Variants in CCP110 observed in about 807,000 individuals in gnomAD.
CCP110 encodes the protein centriolar coiled-coil protein 110.
Under a neutral mutation model 105.5 loss-of-function variants are expected in CCP110, and 43 were observed. That is an observed-to-expected ratio of 0.41 (90% CI 0.32 to 0.53). CCP110 has a LOEUF of 0.53. Ranked by LOEUF, CCP110 falls within the 20% of genes least tolerant of loss-of-function variation. The probability of loss-of-function intolerance (pLI) is 0.32; values close to 1 mark genes in which losing one functional copy is unlikely to be tolerated. For synonymous variants in CCP110, 353 were observed against 392.1 expected, an observed-to-expected ratio of 0.90 and a Z score of 1.18; for missense variants, 1,016 against 1,189.1, an observed-to-expected ratio of 0.85 and a Z score of 2.14.
In CCP110 at chr16:19,537,103, T is replaced by TA; in HGVS notation, c.1435dup (p.Thr479AsnfsTer10). On this transcript the variant is annotated frameshift_variant, in exon 4 of 15. Transcript: ENST00000381396. LOFTEE classifies it high-confidence loss of function. ...AAAATAAAGTTACTCATGGACTTGT[T>TA]ACTGTGGAAGGTCAGTTAACATCCG... 1 of 1,614,204 alleles carries TA rather than the reference T, an allele frequency of 6.2e-7. No individual in the cohort carries two copies. The highest frequency in any genetic ancestry group is 8.5e-7 in the Non-Finnish European group (1 of 1,180,038).
At chr16:19,528,688 G>A (rs1466852884) in intron 2 of CCP110, among the ~76,000 whole-genome samples, 1 of 152,056 alleles carries the variant, frequency 6.6e-6, no homozygotes, top group Non-Finnish European at 1.5e-5. Flanking sequence ...TTGAGACCAG[G>A]AATTCAAGAC....
chr16:19,537,052 A>T, exon 4 of CCP110: 1 of 1,614,230 alleles, frequency 6.2e-7, no homozygotes, highest in Non-Finnish European at 8.5e-7. Context: ...CAAATCAGGT[A>T]TGTCAATCTT....
chr16:19,545,338 A>G, intron 10 of CCP110, 128 bp downstream of exon 10: 1 of 544,046 alleles, frequency 1.8e-6, no homozygotes, highest in Non-Finnish European at 3.3e-6. Flanking sequence ...TCCTGGAATT[A>G]CTAGCAGCAT....
At chr16:19,542,050 A>G (rs371244665) in exon 6 of CCP110, 4 of 1,574,034 alleles carry the variant, frequency 2.5e-6, no homozygotes, top group African/African-American at 1.4e-5. Flanking sequence ...CATACTTCAA[A>G]TTCAAATAGT....
chr16:19,542,998 A>G lies in CCP110; in HGVS notation c.2484+4A>G, dbSNP rs775647107. The G allele has an allele frequency of 4.2e-6, 6 of 1,442,652 alleles. No individual in the cohort carries two copies. In the Admixed American group the frequency reaches 1.0e-4, roughly 25 times the overall value. The allele number at this position is 1,442,652 out of a possible 1,614,324, so 89.4% of individuals were successfully genotyped here. A position where few individuals can be genotyped will look rare whatever the true frequency, so the allele number is the denominator to read the frequency against. ...GCAACTTCGACAAACTGTAAAAGTA[A>G]GATTCCTGTAAATCGTTTGTATTTC... is the stretch of plus-strand genomic sequence containing the variant. On this transcript the variant is annotated splice_donor_region_variant and intron_variant, in intron 8 of 14. Coordinates refer to ENST00000381396, the Ensembl canonical transcript of CCP110.
At chr16:19,525,432 C>A (rs1328018544) in intron 1 of CCP110, 1 of 152,140 alleles carries the variant, frequency 6.6e-6, no homozygotes. Context: ...GTAGTCAGGG[C>A]TCCCTTAAAA....
chr16:19,536,455 C>T lies in CCP110; in HGVS notation c.786C>T (p.Asp262=), dbSNP rs762322747. Residue 262 remains aspartate (D), a synonymous_variant, in exon 4 of 15, where the codon GAC becomes GAT. Coordinates refer to ENST00000381396, the Ensembl canonical transcript of CCP110. The stretch of plus-strand genomic sequence containing the variant: ...GAATTGTTAATGAGAGTCATTTAGA[C>T]AAAGAACATGATGCTGTTGAAGTGG... 1.9e-6 allele frequency: 3 copies of T among 1,613,870 alleles called. No homozygotes were observed. In the Admixed American group the frequency reaches 5.0e-5, roughly 27 times the overall value.
chr16:19,527,385 T>C (rs949756059), intron 1 of CCP110, among the ~76,000 whole-genome samples: 4 of 151,554 alleles, frequency 2.6e-5, no homozygotes, highest in Admixed American at 6.6e-5. Context: ...AAAAAAGATA[T>C]GAGAGTAACC....
At chr16:19,538,912 GACCAA>G (rs1970178857) in intron 4 of CCP110, among the ~76,000 whole-genome samples, 2 of 151,914 alleles carry the variant, frequency 1.3e-5, no homozygotes, top group South Asian at 4.2e-4. Context: ...AGGAGTTCGA[GACCAA>G]ACTGACAAAC....
rs1970509911 is a variant in CCP110 at position 19,547,717 on chromosome 16, CT to C, written c.2841-237del. 9 of 434,228 alleles carry C rather than the reference CT, an allele frequency of 2.1e-5. No homozygotes were observed. In the East Asian group the frequency reaches 3.6e-4, roughly 17 times the overall value. The allele number at this position is 434,228 out of a possible 1,614,324, so 26.9% of individuals were successfully genotyped here. A position where few individuals can be genotyped will look rare whatever the true frequency, so the allele number is the denominator to read the frequency against. On this transcript the variant is annotated intron_variant, in intron 12 of 14. Transcript: ENST00000381396. The stretch of plus-strand genomic sequence containing the variant: ...ATTATCTAAAAGCACAAGGGTTAGT[CT>C]ATATGTTGGACATTTCTTTGCTGAT...
chr16:19,545,496 C>A (rs548350037), intron 10 of CCP110, among the ~76,000 whole-genome samples: 1 of 152,180 alleles, frequency 6.6e-6, no homozygotes, highest in East Asian at 1.9e-4. Context: ...TCCTTGAATT[C>A]AATTATAATG....
rs763567533 is a variant in CCP110 at position 19,546,394 on chromosome 16, A to T, written c.2778-18A>T. 2 of 1,428,656 alleles carry T rather than the reference A, an allele frequency of 1.4e-6. No homozygotes were observed. Among genetic ancestry groups the T allele is most frequent in the Non-Finnish European group, 2.0e-6 (2 of 1,020,944 alleles). The allele number at this position is 1,428,656 out of a possible 1,614,324, so 88.5% of individuals were successfully genotyped here. A position where few individuals can be genotyped will look rare whatever the true frequency, so the allele number is the denominator to read the frequency against. ...CCTTCTCTAAATACATTATGTCCTT[A>T]TTTTTATATTGTGTTAGAGCTGCTG... On this transcript the variant is annotated intron_variant, in intron 11 of 14. Transcript: ENST00000381396.
At chr16:19,544,973 A>C (rs1368457819) in intron 9 of CCP110, 75 bp downstream of exon 9, 1 of 1,010,920 alleles carries the variant, frequency 9.9e-7, no homozygotes, top group East Asian at 2.4e-5. Context: ...ATCACTGAAA[A>C]TAGGTTTCAA....
At chr16:19,542,523 G>T in intron 6 of CCP110, 98 bp from the exon 7 acceptor site, 5 of 890,672 alleles carry the variant, frequency 5.6e-6, no homozygotes, top group Non-Finnish European at 8.6e-6. Flanking sequence ...TTTGGAGGCA[G>T]TTGTTATTCT....
intron 1 of CCP110, chr16:19,525,908 T>C (rs1969654319): frequency 6.6e-6 from 1 of 152,622 alleles, no homozygotes; most frequent in African/African-American, 2.4e-5. Context: ...GTGATAGTGA[T>C]AGAGGCAGAG....
At chr16:19,536,614 A>C in exon 4 of CCP110, 1 of 1,614,154 alleles carries the variant, frequency 6.2e-7, no homozygotes, top group Non-Finnish European at 8.5e-7. Context: ...TGAGTATGCC[A>C]GTTTTAGCTA....
chr16:19,530,371 G>T (rs959325266), intron 2 of CCP110, among the ~76,000 whole-genome samples: 1 of 151,842 alleles, frequency 6.6e-6, no homozygotes, highest in African/African-American at 2.4e-5. Flanking sequence ...ACAGGTTAAA[G>T]ATTTTTGGAA....
chr16:19,545,112 G>A (rs777831149), exon 10 of CCP110: 115 of 1,607,172 alleles, frequency 7.2e-5, no homozygotes, highest in Admixed American at 1.3e-4. Flanking sequence ...TGCCTTGTAC[G>A]GTATTCATGA....
chr16:19,541,059 C>T (rs1438701798), intron 5 of CCP110, among the ~76,000 whole-genome samples: 1 of 151,954 alleles, frequency 6.6e-6, no homozygotes, highest in East Asian at 1.9e-4. Flanking sequence ...TAAATAGGTG[C>T]TAAAGTACAC....
Sources: allele counts gnomAD v4.1 joint callset (sites outside exome capture counted in the v4.1 genomes callset), GRCh38; gene constraint gnomAD v4.1.1; transcripts MANE v1.5; gene names NCBI Gene and HGNC (gene_info 2026-07-23, HGNC 2026-07-21).